The following CSMD1 variants were observed in gnomAD, a reference collection of about 807,000 sequenced individuals.
CSMD1 encodes the protein CUB and Sushi multiple domains 1.
In CSMD1, 213 loss-of-function variants were observed where a neutral mutation model predicts 417.5. That is an observed-to-expected ratio of 0.51 (90% CI 0.46 to 0.57). The LOEUF is 0.57. Among genes scored for constraint, CSMD1 ranks in the 20% least tolerant of loss-of-function variants. CSMD1 has a pLI of 0.00. For missense variants in CSMD1, 6,923 were observed against 4,529.7 expected, an observed-to-expected ratio of 1.53 and a Z score of -15.17; for synonymous variants, 2,862 against 1,736.8, an observed-to-expected ratio of 1.65 and a Z score of -16.11.
intron 3 of CSMD1, among the ~76,000 whole-genome samples, chr8:4,219,051 G>A (rs1034800541): frequency 3.3e-5 from 5 of 152,028 alleles, no homozygotes; most frequent in South Asian, 2.1e-4. Flanking sequence ...ATGGTCATAC[G>A]TTAGAGGTAC....
At chr8:3,762,450 AAT>A (rs1563352383) in intron 5 of CSMD1, among the ~76,000 whole-genome samples, 1 of 152,174 alleles carries the variant, frequency 6.6e-6, no homozygotes, top group Non-Finnish European at 1.5e-5. Context: ...ACATTTTCAA[AAT>A]AGTAATGACT....
intron 3 of CSMD1, among the ~76,000 whole-genome samples, chr8:4,245,506 G>T (rs181451000): frequency 3.9e-5 from 6 of 152,138 alleles, no homozygotes; most frequent in Non-Finnish European, 5.9e-5. Context: ...CCTAAGGTTG[G>T]ATGTTTCCCA....
intron 5 of CSMD1, among the ~76,000 whole-genome samples, chr8:3,772,652 T>C (rs964898852): frequency 2.1e-5 from 3 of 145,034 alleles, no homozygotes; most frequent in East Asian, 2.0e-4. Context: ...CATATATACA[T>C]ATATACATAC....
chr8:3,766,579 C>T (rs2129057508), intron 5 of CSMD1, among the ~76,000 whole-genome samples: 1 of 152,008 alleles, frequency 6.6e-6, no homozygotes, highest in South Asian at 2.1e-4. Flanking sequence ...CATATTTTGA[C>T]TATCAAAAAA....
Position 3,584,456 on chromosome 8 carries a change from T to G in CSMD1, c.1222+1680A>C, listed in dbSNP as rs4875743. 3.8e-4 allele frequency among the ~76,000 whole-genome samples: 58 copies of G among 152,022 alleles called. No homozygotes were observed. The South Asian group carries it at 0.01, about 27-fold the overall frequency. The stretch of plus-strand genomic sequence containing the variant: ...CTAATTATCTCTAAGCGTGAGTAGC[T>G]GGGGGGTTGAGAAGGATGGGAGAAA... On this transcript the variant is annotated intron_variant, in intron 9 of 69. Coordinates refer to ENST00000635120, the MANE Select transcript of CSMD1 (RefSeq NM_033225.6).
intron 1 of CSMD1, among the ~76,000 whole-genome samples, chr8:4,917,357 G>C (rs376557604): frequency 1.9e-4 from 29 of 152,208 alleles, no homozygotes; most frequent in African/African-American, 7.0e-4. Context: ...ATTTGGGGCA[G>C]GGTGCGGCGG....
intron 6 of CSMD1, among the ~76,000 whole-genome samples, chr8:3,716,612 G>C (rs942942301): frequency 1.3e-5 from 2 of 152,138 alleles, no homozygotes; most frequent in African/African-American, 2.4e-5. Flanking sequence ...TATTTCATCA[G>C]GAAGGACTTT....
intron 5 of CSMD1, among the ~76,000 whole-genome samples, chr8:3,960,305 CA>C (rs1412538736): frequency 6.6e-6 from 1 of 152,158 alleles, no homozygotes; most frequent in South Asian, 2.1e-4. Flanking sequence ...TGTTACTCTG[CA>C]AACCTTTAAA....
intron 26 of CSMD1, among the ~76,000 whole-genome samples, chr8:3,257,214 C>A (rs938911511): frequency 1.3e-5 from 2 of 152,316 alleles, no homozygotes; most frequent in Middle Eastern, 6.8e-3. Context: ...ATCCCAGCTA[C>A]TCAGGAGGCT....
rs868559547 is a variant in CSMD1 at position 3,350,451 on chromosome 8, G to C, written c.3305-2290C>G. ...TGTCTTTCCCAAGGTCACACAGCTA[G>C]TACAGATTAATTACTGATGTGATAT... is the stretch of plus-strand genomic sequence containing the variant. On this transcript the variant is annotated intron_variant, in intron 21 of 69. Transcript: ENST00000635120. Among the ~76,000 whole-genome samples the C allele has an allele frequency of 1.2e-4, 18 of 152,208 alleles. No homozygotes were observed. In the Middle Eastern group the frequency reaches 0.014, roughly 116 times the overall value.
At chr8:4,581,512 G>T (rs1323002888) in intron 2 of CSMD1, among the ~76,000 whole-genome samples, 2 of 152,160 alleles carry the variant, frequency 1.3e-5, no homozygotes, top group Non-Finnish European at 2.9e-5. Context: ...GGTTTGAGAA[G>T]CATGCATTAT....
At chr8:3,676,719 G>C (rs562643564) in intron 7 of CSMD1, among the ~76,000 whole-genome samples, 3 of 152,076 alleles carry the variant, frequency 2.0e-5, no homozygotes, top group Admixed American at 1.3e-4. Flanking sequence ...AACTCAGTGT[G>C]ATCATTGAAA....
chr8:3,373,655 T>C (rs1205874868), intron 18 of CSMD1: 1 of 152,218 alleles, frequency 6.6e-6, no homozygotes, highest in Non-Finnish European at 1.5e-5. Context: ...TTAGCAGAGC[T>C]ACAAATATAG....
At chr8:4,026,379 G>T (rs1245927989) in intron 4 of CSMD1, among the ~76,000 whole-genome samples, 1 of 152,200 alleles carries the variant, frequency 6.6e-6, no homozygotes, top group Admixed American at 6.5e-5. Flanking sequence ...AAAGCACACT[G>T]ATCTCATTGG....
intron 2 of CSMD1, among the ~76,000 whole-genome samples, chr8:4,437,184 T>C (rs752943158): frequency 3.3e-5 from 5 of 152,222 alleles, no homozygotes; most frequent in Non-Finnish European, 7.3e-5. Flanking sequence ...AGCAAAACTT[T>C]GTTGTCTCAA....
chr8:3,351,913 C>A (rs1222091264), intron 21 of CSMD1, among the ~76,000 whole-genome samples: 2 of 151,960 alleles, frequency 1.3e-5, no homozygotes, highest in South Asian at 2.1e-4. Flanking sequence ...ACTTTTACAT[C>A]TTTTCTCTGT....
At position 3,418,893 on chromosome 8, in the gene CSMD1, C is replaced by T. The variant is rs73657887; in HGVS notation, c.1562-9288G>A. ...AGACATAGAAAACGAATACAACAGC[C>T]AAGGTAGTAATGAGAAGCACCTCAG... On this transcript the variant is annotated intron_variant, in intron 12 of 69. Coordinates refer to ENST00000635120, the MANE Select transcript of CSMD1 (RefSeq NM_033225.6). Among the ~76,000 whole-genome samples the T allele has an allele frequency of 3.9e-3, 599 of 152,144 alleles. 3 individuals carry two copies. The highest frequency in any genetic ancestry group is 0.013 in the African/African-American group (554 of 41,500).
At chr8:4,123,319 A>G (rs28660289) in intron 3 of CSMD1, among the ~76,000 whole-genome samples, 13,433 of 152,316 alleles carry the variant, frequency 0.088, 733 homozygotes, top group East Asian at 0.29. Flanking sequence ...TATCTGGAGC[A>G]GATGCATGCC....
chr8:3,756,844 G>T (rs766435388), intron 5 of CSMD1, among the ~76,000 whole-genome samples: 5 of 151,908 alleles, frequency 3.3e-5, no homozygotes, highest in Non-Finnish European at 7.4e-5. Flanking sequence ...CACGCAGGCT[G>T]GAGTGCAGTG....
Sources: allele counts gnomAD v4.1 joint callset (sites outside exome capture counted in the v4.1 genomes callset), GRCh38; gene constraint gnomAD v4.1.1; transcripts MANE v1.5; gene names NCBI Gene and HGNC (gene_info 2026-07-23, HGNC 2026-07-21).